The following TRAK1 variants were observed in gnomAD, a reference collection of about 807,000 sequenced individuals.
TRAK1 encodes the protein trafficking kinesin-binding protein 1.
In TRAK1, 33 loss-of-function variants were observed where a neutral mutation model predicts 92.1. That is an observed-to-expected ratio of 0.36 (90% CI 0.27 to 0.48). The LOEUF is 0.48. Among genes scored for constraint, TRAK1 ranks in the 20% least tolerant of loss-of-function variants. The pLI is 0.99. For missense variants in TRAK1, 1,123 were observed against 1,257.9 expected (o/e 0.89, Z 1.62); for synonymous variants, 521 against 517.3 (o/e 1.01, Z -0.10).
chr3:42,204,263 G>A, intron 13 of TRAK1: 1 of 984,346 alleles, frequency 1.0e-6, no homozygotes, highest in South Asian at 4.7e-5. Flanking sequence ...TGTCTTGTCT[G>A]CTTTCTATAT....
chr3:42,038,586 G>T (rs1303058681), intron 1 of TRAK1, among the ~76,000 whole-genome samples: 1 of 152,066 alleles, frequency 6.6e-6, no homozygotes, highest in Non-Finnish European at 1.5e-5. Flanking sequence ...AGGAGTTCGA[G>T]ACCAGCCTGG....
At position 42,202,678 on chromosome 3, in the gene TRAK1, C is replaced by T; in HGVS notation, c.1670C>T (p.Thr557Ile). 1 of 1,613,640 alleles carries T rather than the reference C, an allele frequency of 6.2e-7. No individual in the cohort carries two copies. Among genetic ancestry groups the T allele is most frequent in the Middle Eastern group, 1.7e-4 (1 of 6,060 alleles). Residue 557 changes from threonine to isoleucine, a missense_variant, in exon 13 of 16, where the codon ACC (threonine) becomes ATC (isoleucine). By Grantham distance (89) the Thr-to-Ile change is moderately conservative (BLOSUM62 -1). This residue lies in a region of TRAK1 where 686 missense variants were observed against 747.6 expected (regional missense o/e 0.92). Transcript: ENST00000327628. This position sits in a 1 kb window ranked among gnomAD's most constrained non-coding sequence, Gnocchi z 6.1. ...LGTHSRFSEF[T>I]GFSGMSFSSR... ...ACGCACTCCCGCTTCTCCGAGTTCA[C>T]CGGCTTCTCTGGCATGTCCTTCAGC...
chr3:42,221,595 T>C (rs1162685118), intron 15 of TRAK1, among the ~76,000 whole-genome samples: 2 of 152,152 alleles, frequency 1.3e-5, no homozygotes, highest in Non-Finnish European at 2.9e-5. Context: ...TGGACTTCCT[T>C]CTGCCAGACT....
intron 1 of TRAK1, among the ~76,000 whole-genome samples, chr3:42,037,464 A>G (rs374235798): frequency 2.6e-5 from 4 of 152,236 alleles, no homozygotes; most frequent in African/African-American, 9.6e-5. Context: ...AGTCAATGGC[A>G]GGCAGGGTAC....
At chr3:42,094,213 G>A (rs980769831) in intron 1 of TRAK1, among the ~76,000 whole-genome samples, 4 of 152,188 alleles carry the variant, frequency 2.6e-5, no homozygotes, top group African/African-American at 7.2e-5. Context: ...GTGCACCAAT[G>A]CCAGGCTCAG....
chr3:42,134,348 G>A (rs1460716228), intron 2 of TRAK1, among the ~76,000 whole-genome samples: 1 of 150,978 alleles, frequency 6.6e-6, no homozygotes, highest in Non-Finnish European at 1.5e-5. Flanking sequence ...GGCAATCACA[G>A]CTCACTGCAG....
At position 42,018,496 on chromosome 3, in the gene TRAK1, C is replaced by T. The variant is rs567634312; in HGVS notation, c.-519+4379C>T. 1.4e-3 allele frequency among the ~76,000 whole-genome samples: 206 copies of T among 152,252 alleles called. 1 individual carries two copies. Among genetic ancestry groups the T allele is most frequent in the Non-Finnish European group, 2.5e-3 (167 of 68,020 alleles). On this transcript the variant is annotated intron_variant, in intron 1 of 16. Coordinates refer to the TRAK1 transcript ENST00000487159. Reference sequence around the variant, plus strand: ...GTACTAACATCCGACAAGGATGCTCCATCACAGTATAAATTATCCACATTT... The same window carrying T: ...GTACTAACATCCGACAAGGATGCTCTATCACAGTATAAATTATCCACATTT...
At chr3:42,215,813 C>G (rs999975977) in intron 14 of TRAK1, among the ~76,000 whole-genome samples, 38 of 152,216 alleles carry the variant, frequency 2.5e-4, no homozygotes, top group African/African-American at 9.1e-4. Context: ...CAGTGTTTCT[C>G]CGTTCTCAGA....
At chr3:42,038,761 C>T (rs527801772) in intron 1 of TRAK1, among the ~76,000 whole-genome samples, 1 of 139,002 alleles carries the variant, frequency 7.2e-6, no homozygotes, top group Non-Finnish European at 1.5e-5. Context: ...GCACGCCAGC[C>T]TGGGTGACAG....
intron 14 of TRAK1, chr3:42,218,372 C>T (rs956767940): frequency 8.6e-5 from 84 of 973,682 alleles, no homozygotes; most frequent in Non-Finnish European, 9.8e-5. Flanking sequence ...TTTGAATCCT[C>T]ATGGCCTCTG....
chr3:42,187,061 C>T (rs1351118093), intron 4 of TRAK1, among the ~76,000 whole-genome samples: 1 of 152,154 alleles, frequency 6.6e-6, no homozygotes, highest in Non-Finnish European at 1.5e-5. Flanking sequence ...ATTTAAAAAC[C>T]TTAAGTACAA....
intron 1 of TRAK1, among the ~76,000 whole-genome samples, chr3:42,015,562 T>C (rs1701489094): frequency 1.3e-5 from 2 of 152,154 alleles, no homozygotes; most frequent in African/African-American, 2.4e-5. Flanking sequence ...TGGGAGACAA[T>C]GTTTTAAATG....
intron 5 of TRAK1, among the ~76,000 whole-genome samples, chr3:42,188,729 T>C (rs1186190160): frequency 6.6e-6 from 1 of 152,240 alleles, no homozygotes. Context: ...ACAAATGCAT[T>C]GTGAGTATTA....
chr3:42,043,186 T>C (rs1461355482), intron 1 of TRAK1, among the ~76,000 whole-genome samples: 3 of 152,026 alleles, frequency 2.0e-5, no homozygotes, highest in African/African-American at 4.8e-5. Context: ...TTCAAGGCAC[T>C]CAGCTGTCTC....
At position 42,209,837 on chromosome 3, in the gene TRAK1, C is replaced by T. The variant is rs2290133; in HGVS notation, c.1815C>T (p.Pro605=). ...PHLGGILDPR[P]GVVTKGFRTL... ...TTGGGGGCATCCTGGACCCCCGGCC[C>T]GGTGTGGTCACCAAGGGCTTCCGGA... Residue 605 remains proline (P), a synonymous_variant, in exon 14 of 16, where the codon CCC becomes CCT. Coordinates refer to ENST00000327628, the MANE Select transcript of TRAK1 (RefSeq NM_001042646.3). The T allele has an allele frequency of 0.31, 501,891 of 1,613,972 alleles. 81,127 individuals are homozygous for T. The highest frequency in any genetic ancestry group is 0.52 in the Admixed American group (31,389 of 60,020).
chr3:42,219,391 G>T (rs896574900), intron 14 of TRAK1, 103 bp from the exon 15 acceptor site: 94 of 1,597,546 alleles, frequency 5.9e-5, no homozygotes, highest in East Asian at 6.8e-5. Context: ...AGTTAACAAG[G>T]TAGCTCATCA....
intron 1 of TRAK1, among the ~76,000 whole-genome samples, chr3:42,021,125 GA>G (rs1701706869): frequency 6.6e-6 from 1 of 152,156 alleles, no homozygotes; most frequent in South Asian, 2.1e-4. Context: ...TGATTTAGAG[GA>G]AAGGTGGGGA....
chr3:42,208,444 C>G (rs6605324), intron 13 of TRAK1, among the ~76,000 whole-genome samples: 76,195 of 151,976 alleles, frequency 0.5, 19,208 homozygotes, highest in Admixed American at 0.58. Context: ...GCACACCATG[C>G]GGCCTCTCCC....
At chr3:42,021,942 T>G (rs1365195360) in intron 1 of TRAK1, among the ~76,000 whole-genome samples, 3 of 152,192 alleles carry the variant, frequency 2.0e-5, no homozygotes, top group Non-Finnish European at 4.4e-5. Context: ...GCATTTGTGT[T>G]AGCCATAATT....
Sources: allele counts gnomAD v4.1 joint callset (sites outside exome capture counted in the v4.1 genomes callset), GRCh38; gene constraint gnomAD v4.1.1; regional missense constraint gnomAD v4.1.1; non-coding constraint Gnocchi (gnomAD v3.1); transcripts MANE v1.5; gene names NCBI Gene and HGNC (gene_info 2026-07-23, HGNC 2026-07-21).